Variants in LINGO2 observed in about 807,000 individuals in gnomAD.
LINGO2 encodes leucine rich repeat and Ig domain containing 2, also known as leucine-rich repeat and immunoglobulin-like domain-containing nogo receptor-interacting protein 2.
In LINGO2, 14 loss-of-function variants were observed where a neutral mutation model predicts 30.6. The observed-to-expected ratio is 0.46, with a 90% CI of 0.30 to 0.72. LINGO2 has a LOEUF of 0.72. Among genes scored for constraint, LINGO2 ranks in the 30% least tolerant of loss-of-function variants. The pLI, the probability that LINGO2 is intolerant of heterozygous loss-of-function variation, is 0.07. For synonymous variants in LINGO2, 317 were observed against 288.5 expected (o/e 1.10, Z -1.00); for missense variants, 729 against 751.7 (o/e 0.97, Z 0.35).
chr9:28,833,115 A>C, the LINGO2 span, among the ~76,000 whole-genome samples: 2 of 152,194 alleles, frequency 1.3e-5, no homozygotes, highest in Non-Finnish European at 2.9e-5. Flanking sequence ...TCCAAAGCAC[A>C]GATGTGATGC....
chr9:29,017,329 A>G, the LINGO2 span, among the ~76,000 whole-genome samples: 2 of 152,184 alleles, frequency 1.3e-5, no homozygotes, highest in African/African-American at 4.8e-5. Context: ...CCTTCAAACC[A>G]TACAAGTTAC....
chr9:28,889,437 GT>G, the LINGO2 span, among the ~76,000 whole-genome samples: 129,146 of 151,192 alleles, frequency 0.85, 55,275 homozygotes, highest in Non-Finnish European at 0.89. Context: ...TTTTGCTTCA[GT>G]TTTTTTTTTA....
chr9:28,903,331 A>G, the LINGO2 span, among the ~76,000 whole-genome samples: 1 of 152,186 alleles, frequency 6.6e-6, no homozygotes, highest in East Asian at 1.9e-4. Flanking sequence ...TCATGAAGAA[A>G]CAGAAAATAT....
the LINGO2 span, among the ~76,000 whole-genome samples, chr9:29,046,639 C>T: frequency 6.6e-6 from 1 of 151,936 alleles, no homozygotes; most frequent in Non-Finnish European, 1.5e-5. Context: ...ACTATAAAAA[C>T]CCTGAAGACA....
the LINGO2 span, among the ~76,000 whole-genome samples, chr9:29,152,438 G>A: frequency 6.6e-6 from 1 of 152,120 alleles, no homozygotes; most frequent in African/African-American, 2.4e-5. Context: ...GACTGCATAA[G>A]GAAAATATGT....
intron 4 of LINGO2, among the ~76,000 whole-genome samples, chr9:28,102,019 G>C (rs1263615274): frequency 6.6e-6 from 1 of 151,954 alleles, no homozygotes; most frequent in Non-Finnish European, 1.5e-5. Context: ...TTTTCCATCA[G>C]CTTTGCCTCC....
intron 4 of LINGO2, among the ~76,000 whole-genome samples, chr9:28,044,036 C>G (rs945208535): frequency 3.9e-5 from 6 of 152,166 alleles, no homozygotes; most frequent in Admixed American, 1.3e-4. Context: ...AGCTCCATGC[C>G]TTTGTACTAG....
the LINGO2 span, among the ~76,000 whole-genome samples, chr9:29,124,996 G>A: frequency 5.9e-5 from 9 of 152,230 alleles, no homozygotes; most frequent in East Asian, 9.6e-4. Flanking sequence ...CAATAGCAAA[G>A]ACTTGGAACC....
At position 28,641,915 on chromosome 9, in the gene LINGO2, G is replaced by C. The variant is rs78815252; in HGVS notation, c.-365+28285C>G. Among the ~76,000 whole-genome samples the C allele has an allele frequency of 4.6e-3, 703 of 152,118 alleles. 2 individuals are homozygous for C. Among genetic ancestry groups the C allele is most frequent in the African/African-American group, 0.016 (659 of 41,500 alleles). On this transcript the variant is annotated intron_variant, in intron 1 of 5. Transcript: ENST00000379992. ...GTGGAGATCTTAAGAACTGTTCTCA[G>C]TTCCAGAATGTTCTTCTTGTCTCCA...
chr9:28,205,994 G>C (rs1820394958), intron 4 of LINGO2, among the ~76,000 whole-genome samples: 1 of 151,766 alleles, frequency 6.6e-6, no homozygotes, highest in South Asian at 2.1e-4. Flanking sequence ...GAAAAACCCT[G>C]TCTCTACTAA....
chr9:28,683,567 G>T, the LINGO2 span, among the ~76,000 whole-genome samples: 30 of 151,880 alleles, frequency 2.0e-4, no homozygotes, highest in African/African-American at 6.8e-4. Context: ...CAATTATTTT[G>T]TATACAATAT....
At chr9:29,193,467 T>C in the LINGO2 span, among the ~76,000 whole-genome samples, 1 of 152,284 alleles carries the variant, frequency 6.6e-6, no homozygotes, top group East Asian at 1.9e-4. Flanking sequence ...CCTCTATTCC[T>C]TCACTTCTTT....
intron 1 of LINGO2, among the ~76,000 whole-genome samples, chr9:28,491,920 A>G (rs528478734): frequency 1.3e-5 from 2 of 152,368 alleles, no homozygotes; most frequent in East Asian, 3.9e-4. Flanking sequence ...CTGCTAAAGC[A>G]AAAAGGGAAA....
chr9:28,233,059 T>TATA (rs376932356), intron 4 of LINGO2, among the ~76,000 whole-genome samples: 5 of 125,898 alleles, frequency 4.0e-5, no homozygotes, highest in Non-Finnish European at 6.5e-5. Context: ...TATATATATA[T>TATA]ATTAGATATA....
At chr9:28,101,962 C>T (rs1014383584) in intron 4 of LINGO2, among the ~76,000 whole-genome samples, 2 of 152,116 alleles carry the variant, frequency 1.3e-5, no homozygotes, top group Non-Finnish European at 2.9e-5. Context: ...CCCTCATGAA[C>T]ATGCTGCCAT....
chr9:28,677,136 T>C, the LINGO2 span, among the ~76,000 whole-genome samples: 1 of 152,162 alleles, frequency 6.6e-6, no homozygotes, highest in Non-Finnish European at 1.5e-5. Context: ...AATTGAAAGT[T>C]AAAAAGTTGT....
the LINGO2 span, among the ~76,000 whole-genome samples, chr9:28,721,215 T>G: frequency 1.1e-4 from 17 of 151,990 alleles, no homozygotes; most frequent in Admixed American, 9.2e-4. Flanking sequence ...TTGGTAGGAG[T>G]GTAAATTAGT....
the LINGO2 span, among the ~76,000 whole-genome samples, chr9:28,811,900 T>C: frequency 6.6e-6 from 1 of 152,160 alleles, no homozygotes; most frequent in Non-Finnish European, 1.5e-5. Flanking sequence ...AGCAAGGAAC[T>C]CGTTTTCCTT....
intron 4 of LINGO2, among the ~76,000 whole-genome samples, chr9:28,098,030 T>C (rs2133298025): frequency 6.6e-6 from 1 of 152,192 alleles, no homozygotes; most frequent in South Asian, 2.1e-4. Flanking sequence ...AAAGTCCAGG[T>C]GCAGTGGCTC....
Sources: allele counts gnomAD v4.1 joint callset (sites outside exome capture counted in the v4.1 genomes callset), GRCh38; gene constraint gnomAD v4.1.1; transcripts MANE v1.5; gene names NCBI Gene and HGNC (gene_info 2026-07-23, HGNC 2026-07-21).